Variants in C14orf39 observed in about 807,000 individuals in gnomAD.
C14orf39 encodes chromosome 14 open reading frame 39.
Under a neutral mutation model 85.6 loss-of-function variants are expected in C14orf39, and 66 were observed. That is an observed-to-expected ratio of 0.77 (90% CI 0.63 to 0.95). The LOEUF (loss-of-function observed/expected upper bound fraction) is 0.95, where lower values mean the gene tolerates loss of function less well. Among genes scored for constraint, C14orf39 ranks in the 40% least tolerant of loss-of-function variants. The pLI is 0.00. For missense variants in C14orf39, 735 were observed against 663.9 expected (o/e 1.11, Z -1.18); for synonymous variants, 242 against 214.0 (o/e 1.13, Z -1.14).
chr14:60,484,940 AAAAT>A lies in C14orf39; in HGVS notation c.50-7_50-4del, dbSNP rs1892813085. The A allele has an allele frequency of 6.4e-7, 1 of 1,574,150 alleles. No individual in the cohort carries two copies. The highest frequency in any genetic ancestry group is 8.6e-7 in the Non-Finnish European group (1 of 1,158,908). On this transcript the variant is annotated splice_polypyrimidine_tract_variant and splice_region_variant and intron_variant, in intron 2 of 17. Coordinates refer to ENST00000321731, the MANE Select transcript of C14orf39 (RefSeq NM_174978.3). This position sits in a 1 kb window ranked among gnomAD's most constrained non-coding sequence, Gnocchi z 4.2. ...TATGTCTTGCTCATACTGGAAGACTAAAATAAATAATTATCTTGTGACTTCAATT... is the reference window on the plus strand; with the variant it reads ...TATGTCTTGCTCATACTGGAAGACTAAAATAATTATCTTGTGACTTCAATT...
intron 7 of C14orf39, among the ~76,000 whole-genome samples, chr14:60,471,045 GTTTC>G (rs1342317117): frequency 3.3e-5 from 5 of 151,860 alleles, no homozygotes; most frequent in Non-Finnish European, 7.4e-5. Context: ...CATAAGGTAG[GTTTC>G]CAGTGATGAA....
Position 60,484,964 on chromosome 14 carries a change from T to C in C14orf39, c.50-27A>G. 3 of 1,580,360 alleles carry C rather than the reference T, an allele frequency of 1.9e-6. No homozygotes were observed. The highest frequency in any genetic ancestry group is 2.6e-6 in the Non-Finnish European group (3 of 1,163,206). On this transcript the variant is annotated intron_variant, in intron 2 of 17. Coordinates refer to ENST00000321731, the MANE Select transcript of C14orf39 (RefSeq NM_174978.3). The surrounding 1 kb of genome is among the most constrained non-coding windows in gnomAD (Gnocchi z 4.2). The stretch of plus-strand genomic sequence containing the variant: ...TAAAATAAATAATTATCTTGTGACT[T>C]CAATTCATTGTTAAAATATCAAATG...
intron 7 of C14orf39, among the ~76,000 whole-genome samples, chr14:60,470,435 T>A (rs547508984): frequency 6.6e-6 from 1 of 151,990 alleles, no homozygotes; most frequent in Admixed American, 6.6e-5. Context: ...TGAATCATGA[T>A]TTATAAGTCT....
chr14:60,509,077 G>A (rs1893248031), intron 1 of C14orf39: 2 of 423,506 alleles, frequency 4.7e-6, no homozygotes, highest in Non-Finnish European at 8.6e-6. Flanking sequence ...TTCAAGCTTT[G>A]ATTGGCAGAG....
chr14:60,469,676 T>A, intron 7 of C14orf39, 23 bp from the exon 8 acceptor site: 1 of 999,728 alleles, frequency 1.0e-6, no homozygotes, highest in Non-Finnish European at 1.4e-6. Flanking sequence ...AGGAACTATG[T>A]CATATAAGTA....
chr14:60,501,691 A>G (rs907440730), intron 1 of C14orf39, among the ~76,000 whole-genome samples: 7 of 152,192 alleles, frequency 4.6e-5, no homozygotes, highest in Admixed American at 1.3e-4. Flanking sequence ...CTTTAGACTA[A>G]TTTATTGCAA....
chr14:60,440,454 G>A (rs953537143), intron 17 of C14orf39, among the ~76,000 whole-genome samples: 2 of 152,000 alleles, frequency 1.3e-5, no homozygotes, highest in African/African-American at 4.8e-5. Flanking sequence ...AATTCTTCCA[G>A]CTCTATCTTC....
chr14:60,507,795 T>C (rs1893225605), intron 1 of C14orf39, among the ~76,000 whole-genome samples: 1 of 152,206 alleles, frequency 6.6e-6, no homozygotes, highest in African/African-American at 2.4e-5. Flanking sequence ...TCCAGTCCAG[T>C]TCGGCTGTGA....
At chr14:60,462,220 A>T (rs1198899781) in intron 11 of C14orf39, among the ~76,000 whole-genome samples, 8 of 151,948 alleles carry the variant, frequency 5.3e-5, no homozygotes, top group African/African-American at 1.4e-4. Context: ...ACAAAAAATT[A>T]AAAAATTAGC....
intron 17 of C14orf39, among the ~76,000 whole-genome samples, chr14:60,438,354 C>T (rs1235191073): frequency 6.6e-6 from 1 of 152,034 alleles, no homozygotes; most frequent in East Asian, 1.9e-4. Context: ...TTTCTCAGTA[C>T]ACAGCCATAT....
At chr14:60,439,753 G>A (rs1595436411) in intron 17 of C14orf39, among the ~76,000 whole-genome samples, 1 of 152,190 alleles carries the variant, frequency 6.6e-6, no homozygotes. Context: ...TGAAGTGAAT[G>A]AGTGTCAAAT....
At chr14:60,465,900 G>A (rs895805586) in intron 11 of C14orf39, 79 bp downstream of exon 11, 6 of 607,238 alleles carry the variant, frequency 9.9e-6, no homozygotes, top group South Asian at 5.3e-5. Flanking sequence ...ACACGTCTGT[G>A]TCTTAAGGGC....
intron 4 of C14orf39, among the ~76,000 whole-genome samples, chr14:60,479,222 T>C (rs1051714816): frequency 2.0e-5 from 3 of 152,204 alleles, no homozygotes; most frequent in Non-Finnish European, 2.9e-5. Context: ...CTTATCCTCC[T>C]TTATCACTTA....
At chr14:60,508,861 A>C (rs3759688) in intron 1 of C14orf39, 140,293 of 160,092 alleles carry the variant, frequency 0.88, 61,871 homozygotes, top group Non-Finnish European at 0.92. Context: ...ATCACTGCCT[A>C]TTTGGTGGGA....
rs1300835572 is a variant in C14orf39 at position 60,442,069 on chromosome 14, C to T, written c.1561+5G>A. Reference sequence around the variant, plus strand: ...TTTAAAGGTAGCAAACTTCAAACAACTTACCAATCTCTTGCTCTGATGACA... The same window carrying T: ...TTTAAAGGTAGCAAACTTCAAACAATTTACCAATCTCTTGCTCTGATGACA... On this transcript the variant is annotated splice_donor_5th_base_variant and intron_variant, in intron 17 of 17. Transcript: ENST00000321731. The T allele has an allele frequency of 4.4e-6, 7 of 1,606,776 alleles. No individual in the cohort carries two copies. In the African/African-American group the frequency reaches 8.0e-5, roughly 18 times the overall value.
At chr14:60,439,348 C>T (rs1188116277) in intron 17 of C14orf39, among the ~76,000 whole-genome samples, 1 of 151,980 alleles carries the variant, frequency 6.6e-6, no homozygotes, top group Non-Finnish European at 1.5e-5. Flanking sequence ...TATAGGTAAG[C>T]TGAAAAATGG....
rs149169122 is a variant in C14orf39 at position 60,505,304 on chromosome 14, A to G, written c.-143-5874T>C. On this transcript the variant is annotated intron_variant, in intron 1 of 5. Coordinates refer to the C14orf39 transcript ENST00000556799. ...AGTAGGATATTGAATTCATTCCAAA[A>G]TCTGAAGGTCTGTACTACCAAACAC... Among the ~76,000 whole-genome samples, 12 of 152,354 alleles carry G rather than the reference A, an allele frequency of 7.9e-5. No individual in the cohort carries two copies. In the East Asian group the frequency reaches 2.3e-3, roughly 29 times the overall value.
intron 5 of C14orf39, among the ~76,000 whole-genome samples, chr14:60,475,489 T>C (rs1334032600): frequency 6.6e-6 from 1 of 152,216 alleles, no homozygotes; most frequent in Non-Finnish European, 1.5e-5. Flanking sequence ...GAATGATTTT[T>C]ACATGTTTAA....
At position 60,461,423 on chromosome 14, in the gene C14orf39, A is replaced by T; in HGVS notation, c.1059-11T>A. 6.2e-7 allele frequency: 1 copy of T among 1,601,394 alleles called. No homozygotes were observed. Among genetic ancestry groups the T allele is most frequent in the Non-Finnish European group, 8.5e-7 (1 of 1,172,488 alleles). On this transcript the variant is annotated splice_polypyrimidine_tract_variant and intron_variant, in intron 12 of 17. Transcript: ENST00000321731. ...TGTGGGGTTAACAATCTAAAATGGA[A>T]TAAATATAATTTTTGTATTTTTTCT...
Sources: allele counts gnomAD v4.1 joint callset (sites outside exome capture counted in the v4.1 genomes callset), GRCh38; gene constraint gnomAD v4.1.1; non-coding constraint Gnocchi (gnomAD v3.1); transcripts MANE v1.5; gene names NCBI Gene and HGNC (gene_info 2026-07-23, HGNC 2026-07-21).